The following ADGRV1 variants were observed in gnomAD, a reference collection of about 807,000 sequenced individuals.
The protein encoded by ADGRV1 is adhesion G protein-coupled receptor V1.
A neutral mutation model predicts 596.2 loss-of-function variants in ADGRV1; 359 were observed. That is an observed-to-expected ratio of 0.60 (90% CI 0.55 to 0.66). The LOEUF (loss-of-function observed/expected upper bound fraction) is 0.66. ADGRV1 is among the 30% of genes least tolerant of loss of function. The probability of loss-of-function intolerance (pLI) is 0.00; values close to 1 mark genes in which losing one functional copy is unlikely to be tolerated. For synonymous variants in ADGRV1, 2,681 were observed against 2,679.2 expected (o/e 1.00, Z -0.02); for missense variants, 7,274 against 7,575.6 (o/e 0.96, Z 1.48).
intron 87 of ADGRV1, among the ~76,000 whole-genome samples, chr5:91,130,787 C>G (rs1794150562): frequency 1.3e-5 from 2 of 152,242 alleles, no homozygotes; most frequent in Admixed American, 6.5e-5. Context: ...TCATCCTTCC[C>G]CCTTTTGGGA....
intron 82 of ADGRV1, among the ~76,000 whole-genome samples, chr5:90,856,917 C>T (rs1581340332): frequency 6.6e-6 from 1 of 152,072 alleles, no homozygotes; most frequent in East Asian, 1.9e-4. Flanking sequence ...ATGCATATCT[C>T]TTGTATTTGG....
intron 50 of ADGRV1, among the ~76,000 whole-genome samples, chr5:90,737,913 A>G (rs918669712): frequency 2.6e-5 from 4 of 151,766 alleles, no homozygotes; most frequent in Non-Finnish European, 4.4e-5. Flanking sequence ...AATTTAATCA[A>G]TTTCATTCAG....
chr5:90,922,632 C>G (rs1419454464), intron 83 of ADGRV1, among the ~76,000 whole-genome samples: 1 of 152,162 alleles, frequency 6.6e-6, no homozygotes, highest in East Asian at 1.9e-4. Context: ...AAGCAGAGCT[C>G]ATTGCTGCTT....
intron 50 of ADGRV1, among the ~76,000 whole-genome samples, chr5:90,731,435 G>A (rs1487081113): frequency 6.6e-6 from 1 of 152,178 alleles, no homozygotes; most frequent in Admixed American, 6.5e-5. Flanking sequence ...GGGACACAGA[G>A]CCAAACCATT....
Position 90,898,847 on chromosome 5 carries a change from G to A in ADGRV1, c.17856+34990G>A, listed in dbSNP as rs148028027. Reference sequence around the variant, plus strand: ...TGTAATCCCATCTATTCAGGAGGCTGAAGCCGGAGGATCTCGTGTGTTCAG... The same window carrying A: ...TGTAATCCCATCTATTCAGGAGGCTAAAGCCGGAGGATCTCGTGTGTTCAG... On this transcript the variant is annotated intron_variant, in intron 83 of 89. Coordinates refer to ENST00000405460, the MANE Select transcript of ADGRV1 (RefSeq NM_032119.4). Among the ~76,000 whole-genome samples, 1,296 of 152,222 alleles carry A rather than the reference G, an allele frequency of 8.5e-3. 2 individuals carry two copies. The highest frequency in any genetic ancestry group is 0.038 in the South Asian group (185 of 4,818).
At chr5:90,999,122 CT>C (rs1221751421) in intron 85 of ADGRV1, among the ~76,000 whole-genome samples, 3 of 151,746 alleles carry the variant, frequency 2.0e-5, no homozygotes, top group Non-Finnish European at 2.9e-5. Context: ...TCCTTCTTTT[CT>C]TTTGGAGGTG....
chr5:90,668,554 C>G (rs1771925162), intron 21 of ADGRV1, among the ~76,000 whole-genome samples: 1 of 151,824 alleles, frequency 6.6e-6, no homozygotes, highest in Admixed American at 6.6e-5. Flanking sequence ...GATGGAAATG[C>G]AGAAATCACC....
intron 79 of ADGRV1, among the ~76,000 whole-genome samples, chr5:90,852,627 C>T (rs1384391132): frequency 6.6e-6 from 1 of 152,158 alleles, no homozygotes; most frequent in African/African-American, 2.4e-5. Context: ...ATCTAGAAAT[C>T]TGTACTTTAA....
intron 43 of ADGRV1, chr5:90,718,306 A>G (rs1343528663): frequency 1.3e-5 from 2 of 152,212 alleles, no homozygotes; most frequent in African/African-American, 4.8e-5. Flanking sequence ...TGTTACAGGT[A>G]TCAGAACTTC....
intron 45 of ADGRV1, among the ~76,000 whole-genome samples, chr5:90,722,355 G>C (rs922773738): frequency 5.9e-5 from 9 of 151,820 alleles, no homozygotes; most frequent in Non-Finnish European, 1.3e-4. Context: ...TAAAATAAAT[G>C]TGGTTTAACA....
At position 90,752,160 on chromosome 5, in the gene ADGRV1, A is replaced by G. The variant is rs73177411; in HGVS notation, c.11122-1414A>G. On this transcript the variant is annotated intron_variant, in intron 53 of 89. Coordinates refer to ENST00000405460, the MANE Select transcript of ADGRV1 (RefSeq NM_032119.4). ...GCAATATAAGCAATATTAGCAGACA[A>G]TATAGGCAGCGATAGACAATATGCA... Among the ~76,000 whole-genome samples, 292 of 152,306 alleles carry G rather than the reference A, an allele frequency of 1.9e-3. 3 individuals are homozygous for G. The highest frequency in any genetic ancestry group is 6.4e-3 in the African/African-American group (267 of 41,576).
intron 57 of ADGRV1, among the ~76,000 whole-genome samples, chr5:90,758,977 A>C (rs1476190474): frequency 6.6e-6 from 1 of 152,192 alleles, no homozygotes; most frequent in African/African-American, 2.4e-5. Context: ...GTTTCATATC[A>C]TGTAATATTA....
At chr5:91,031,333 C>T in intron 85 of ADGRV1, 2 of 1,298,098 alleles carry the variant, frequency 1.5e-6, no homozygotes, top group East Asian at 2.3e-5. Context: ...CTAACAGATA[C>T]AATCCCACTC....
intron 50 of ADGRV1, among the ~76,000 whole-genome samples, chr5:90,738,584 C>G (rs2460185): frequency 2.6e-5 from 4 of 151,750 alleles, no homozygotes; most frequent in South Asian, 2.1e-4. Flanking sequence ...GTAAAGTATT[C>G]TTGGTAGAAG....
At chr5:90,928,826 CTGTT>C (rs1189922563) in intron 83 of ADGRV1, among the ~76,000 whole-genome samples, 2 of 151,210 alleles carry the variant, frequency 1.3e-5, no homozygotes, top group African/African-American at 2.4e-5. Context: ...GATGTCCTTT[CTGTT>C]TGTTAGTTTT....
At chr5:90,857,642 T>C (rs1767149332) in intron 82 of ADGRV1, among the ~76,000 whole-genome samples, 1 of 152,206 alleles carries the variant, frequency 6.6e-6, no homozygotes, top group Admixed American at 6.5e-5. Flanking sequence ...TCTCTGTCCA[T>C]GTCATATTGT....
At chr5:91,005,040 G>C (rs1782158892) in intron 85 of ADGRV1, among the ~76,000 whole-genome samples, 1 of 151,958 alleles carries the variant, frequency 6.6e-6, no homozygotes, top group African/African-American at 2.4e-5. Flanking sequence ...TTTTTAAATT[G>C]TTGTTAAATG....
intron 59 of ADGRV1, among the ~76,000 whole-genome samples, chr5:90,770,500 AT>A (rs1757579586): frequency 6.6e-6 from 1 of 152,044 alleles, no homozygotes; most frequent in Non-Finnish European, 1.5e-5. Flanking sequence ...CATTAGTGAA[AT>A]TTTACCTGTA....
At chr5:90,560,646 T>C (rs1474216346) in intron 1 of ADGRV1, among the ~76,000 whole-genome samples, 1 of 152,116 alleles carries the variant, frequency 6.6e-6, no homozygotes, top group Non-Finnish European at 1.5e-5. Flanking sequence ...GAGTCTATAA[T>C]GGGGCAAAGG....
Sources: allele counts gnomAD v4.1 joint callset (sites outside exome capture counted in the v4.1 genomes callset), GRCh38; gene constraint gnomAD v4.1.1; transcripts MANE v1.5; gene names NCBI Gene and HGNC (gene_info 2026-07-23, HGNC 2026-07-21).